EYS: variants seen among roughly 807,000 people sequenced by gnomAD.
EYS encodes the protein EGF-like photoreceptor maintenance factor.
Under a neutral mutation model 282.1 loss-of-function variants are expected in EYS, and 250 were observed. That is an observed-to-expected ratio of 0.89 (90% CI 0.80 to 0.98). EYS has a LOEUF of 0.98. Ranked by LOEUF, EYS falls within the 50% of genes least tolerant of loss-of-function variation. The probability of loss-of-function intolerance (pLI) is 0.00; values close to 1 mark genes in which losing one functional copy is unlikely to be tolerated. For synonymous variants in EYS, 1,355 were observed against 1,282.9 expected, an observed-to-expected ratio of 1.06 and a Z score of -1.20; for missense variants, 4,016 against 3,709.0, an observed-to-expected ratio of 1.08 and a Z score of -2.15.
rs998649977 is a variant in EYS, at chr6:63,720,060, G to A, written c.*536C>T. 2.0e-5 allele frequency: 3 copies of A among 152,876 alleles called. No individual in the cohort carries two copies. Among genetic ancestry groups the A allele is most frequent in the Non-Finnish European group, 4.4e-5 (3 of 68,630 alleles). The allele number at this position is 152,876 out of a possible 1,614,324, so 9.5% of individuals were successfully genotyped here. On this transcript the variant is annotated 3_prime_UTR_variant, in exon 43 of 43. Coordinates refer to ENST00000503581, the MANE Select transcript of EYS (RefSeq NM_001142800.2). ...TTCTACATTCATGCAATAATTTTTG[G>A]TTTAAATCTATGTTCAAGTTTTACA...
intron 31 of EYS, among the ~76,000 whole-genome samples, chr6:64,212,021 CAGG>C (rs1246897491): frequency 2.0e-5 from 3 of 151,966 alleles, no homozygotes; most frequent in South Asian, 2.1e-4. Context: ...GAGGCTGAGG[CAGG>C]AGAACCGCTT....
In EYS at chr6:63,825,501, C is replaced by T. The variant is rs184235553; in HGVS notation, c.7229-19129G>A. 4.2e-3 allele frequency among the ~76,000 whole-genome samples: 646 copies of T among 152,280 alleles called. 7 individuals carry two copies. The highest frequency in any genetic ancestry group is 0.015 in the African/African-American group (616 of 41,544). ...CCCTCACAGAGTCCATCGTGCCCTT[C>T]GCCACCTCAACGAGAACAGGTGCTG... On this transcript the variant is annotated intron_variant, in intron 36 of 42. Transcript: ENST00000503581.
intron 2 of EYS, among the ~76,000 whole-genome samples, chr6:65,622,310 G>A (rs1463813123): frequency 6.6e-6 from 1 of 152,086 alleles, no homozygotes; most frequent in African/African-American, 2.4e-5. Flanking sequence ...TCTGTATCAG[G>A]TTAGCCATAA....
intron 30 of EYS, among the ~76,000 whole-genome samples, chr6:64,278,103 T>C (rs1350804524): frequency 1.3e-5 from 2 of 152,182 alleles, no homozygotes; most frequent in African/African-American, 4.8e-5. Context: ...TTATAGCTCT[T>C]ACAGCAGTTG....
chr6:64,284,987 G>A (rs1382405035), intron 30 of EYS, among the ~76,000 whole-genome samples: 2 of 152,122 alleles, frequency 1.3e-5, no homozygotes, highest in Non-Finnish European at 2.9e-5. Context: ...ACATGTCCTG[G>A]AGATACCTTC....
In EYS at chr6:64,166,583, T is replaced by G. The variant is rs1187099100; in HGVS notation, c.6424+64009A>C. ...TCTAGAATCTGCACTCTTGTCATGC[T>G]GAAGGGATTAACCTACCGATTTTAA... On this transcript the variant is annotated intron_variant, in intron 31 of 42. Coordinates refer to ENST00000503581, the MANE Select transcript of EYS (RefSeq NM_001142800.2). Among the ~76,000 whole-genome samples, 8 of 152,240 alleles carry G rather than the reference T, an allele frequency of 5.3e-5. No homozygotes were observed. The South Asian group carries it at 1.5e-3, about 28-fold the overall frequency.
At chr6:64,969,373 T>G (rs1250192188) in intron 14 of EYS, among the ~76,000 whole-genome samples, 2 of 152,102 alleles carry the variant, frequency 1.3e-5, no homozygotes, top group Admixed American at 1.3e-4. Context: ...TGAGGAACAG[T>G]GGGAGTGGAA....
intron 19 of EYS, among the ~76,000 whole-genome samples, chr6:64,841,043 T>A (rs1765549319): frequency 6.6e-6 from 1 of 151,614 alleles, no homozygotes; most frequent in African/African-American, 2.4e-5. Context: ...CAAAGCTTTT[T>A]AAATATTTTT....
At chr6:64,909,330 C>A (rs1044173767) in intron 16 of EYS, among the ~76,000 whole-genome samples, 1 of 152,096 alleles carries the variant, frequency 6.6e-6, no homozygotes, top group African/African-American at 2.4e-5. Context: ...AAATAAATTT[C>A]TAGGTGTGTA....
At chr6:65,244,578 T>C (rs764828310) in intron 12 of EYS, among the ~76,000 whole-genome samples, 5 of 152,150 alleles carry the variant, frequency 3.3e-5, no homozygotes, top group Non-Finnish European at 5.9e-5. Context: ...AGTGGCGCGA[T>C]CTCTGCTGAC....
chr6:64,596,295 C>A (rs1009274382), intron 24 of EYS, among the ~76,000 whole-genome samples: 11 of 152,092 alleles, frequency 7.2e-5, no homozygotes, highest in African/African-American at 2.4e-4. Context: ...CTATTCAAAG[C>A]AATCTACAGA....
At chr6:65,501,420 A>G (rs879780010) in intron 2 of EYS, among the ~76,000 whole-genome samples, 1 of 151,886 alleles carries the variant, frequency 6.6e-6, no homozygotes, top group Admixed American at 6.6e-5. Context: ...GAGATAATAT[A>G]TTTTTTCTAG....
At chr6:64,271,896 A>G (rs1336014709) in intron 30 of EYS, among the ~76,000 whole-genome samples, 1 of 151,962 alleles carries the variant, frequency 6.6e-6, no homozygotes, top group Non-Finnish European at 1.5e-5. Context: ...CTGGAGTGCA[A>G]TGGCGTGATC....
intron 12 of EYS, among the ~76,000 whole-genome samples, chr6:65,145,561 G>A (rs1764457674): frequency 6.6e-6 from 1 of 151,552 alleles, no homozygotes; most frequent in African/African-American, 2.4e-5. Flanking sequence ...TAATATAAGT[G>A]ACAATTCAGG....
chr6:65,512,883 G>C (rs1425410555), intron 2 of EYS, among the ~76,000 whole-genome samples: 1 of 152,096 alleles, frequency 6.6e-6, no homozygotes, highest in Non-Finnish European at 1.5e-5. Flanking sequence ...AAAAGAACTA[G>C]AAAAGCAAGA....
At chr6:63,810,297 A>C in intron 36 of EYS, among the ~76,000 whole-genome samples, 1 of 143,756 alleles carries the variant, frequency 7.0e-6, no homozygotes, top group South Asian at 2.3e-4. Flanking sequence ...AAACAAAGAC[A>C]AAAACAACCC....
At chr6:64,907,628 C>A (rs570833174) in intron 16 of EYS, among the ~76,000 whole-genome samples, 23 of 152,144 alleles carry the variant, frequency 1.5e-4, no homozygotes, top group Admixed American at 3.3e-4. Flanking sequence ...ATATACAGAT[C>A]ATCTCCACAT....
At chr6:64,418,590 G>C (rs1012474972) in intron 28 of EYS, among the ~76,000 whole-genome samples, 1 of 152,094 alleles carries the variant, frequency 6.6e-6, no homozygotes, top group African/African-American at 2.4e-5. Context: ...AAATCACAGG[G>C]AGAGAGAAGG....
chr6:64,712,500 G>A (rs967503281), intron 22 of EYS, among the ~76,000 whole-genome samples: 8 of 152,144 alleles, frequency 5.3e-5, no homozygotes, highest in African/African-American at 1.9e-4. Context: ...CAACGAATTA[G>A]GATCCTGCAC....
Sources: allele counts gnomAD v4.1 joint callset (sites outside exome capture counted in the v4.1 genomes callset), GRCh38; gene constraint gnomAD v4.1.1; transcripts MANE v1.5; gene names NCBI Gene and HGNC (gene_info 2026-07-23, HGNC 2026-07-21).